The following CAMKMT variants were observed in gnomAD, a reference collection of about 807,000 sequenced individuals.
CAMKMT encodes calmodulin-lysine N-methyltransferase, also known as CaM KMT.
Under a neutral mutation model 48.0 loss-of-function variants are expected in CAMKMT, and 53 were observed. The observed-to-expected ratio is 1.10, with a 90% CI of 0.89 to 1.39. The LOEUF (loss-of-function observed/expected upper bound fraction) is 1.39. CAMKMT is among the 40% of genes most tolerant of loss of function. The pLI is 0.00. For missense variants in CAMKMT, 428 were observed against 402.7 expected (o/e 1.06, Z -0.54); for synonymous variants, 165 against 152.3 (o/e 1.08, Z -0.61).
At chr2:44,545,025 G>C (rs1318765855) in intron 3 of CAMKMT, among the ~76,000 whole-genome samples, 1 of 152,156 alleles carries the variant, frequency 6.6e-6, no homozygotes, top group Non-Finnish European at 1.5e-5. Context: ...GGTCCAAACA[G>C]CAAATTTTCC....
intron 3 of CAMKMT, among the ~76,000 whole-genome samples, chr2:44,561,582 T>G (rs1312948432): frequency 6.6e-6 from 1 of 152,192 alleles, no homozygotes; most frequent in East Asian, 1.9e-4. Context: ...AATATTCCCA[T>G]TTACTCTCAA....
rs1025086746 is a variant in CAMKMT, at chr2:44,653,668, A to C, written c.377-50615A>C. On this transcript the variant is annotated intron_variant, in intron 3 of 10. Coordinates refer to ENST00000378494, the MANE Select transcript of CAMKMT (RefSeq NM_024766.5). The surrounding 1 kb of genome is among the most constrained non-coding windows in gnomAD (Gnocchi z 5.2). ...AGGAGGAGGAGTCTACATTAGTGAC[A>C]GGTGACCAACCAAGATTAATGAAAA... Among the ~76,000 whole-genome samples the C allele has an allele frequency of 6.6e-6, 1 of 152,212 alleles. No individual in the cohort carries two copies. The highest frequency in any genetic ancestry group is 2.1e-4 in the South Asian group (1 of 4,826).
chr2:44,548,931 A>G (rs778888413), intron 3 of CAMKMT, among the ~76,000 whole-genome samples: 2 of 152,198 alleles, frequency 1.3e-5, no homozygotes, highest in Non-Finnish European at 2.9e-5. Flanking sequence ...CAACCATGCC[A>G]TACCAGACTT....
intron 7 of CAMKMT, among the ~76,000 whole-genome samples, chr2:44,729,598 A>C (rs1678971737): frequency 6.6e-6 from 1 of 152,198 alleles, no homozygotes; most frequent in South Asian, 2.1e-4. Flanking sequence ...TCATCAGGGC[A>C]GGTGAAGCAA....
At chr2:44,482,069 A>C (rs549571354) in intron 3 of CAMKMT, among the ~76,000 whole-genome samples, 2 of 152,236 alleles carry the variant, frequency 1.3e-5, no homozygotes, top group East Asian at 3.9e-4. Flanking sequence ...AAAGGATAGA[A>C]TATAATTAAC....
chr2:44,717,381 A>G (rs994872566), intron 7 of CAMKMT, among the ~76,000 whole-genome samples: 1 of 152,126 alleles, frequency 6.6e-6, no homozygotes, highest in Non-Finnish European at 1.5e-5. Context: ...CCTTGATCTT[A>G]TATTAAGGAG....
intron 3 of CAMKMT, among the ~76,000 whole-genome samples, chr2:44,663,179 C>G (rs1294922869): frequency 6.6e-6 from 1 of 152,196 alleles, no homozygotes; most frequent in Non-Finnish European, 1.5e-5. Context: ...ACTCAAGTCT[C>G]ACCAATTATC....
At chr2:44,388,618 C>G (rs938195669) in intron 2 of CAMKMT, among the ~76,000 whole-genome samples, 1 of 152,096 alleles carries the variant, frequency 6.6e-6, no homozygotes, top group Non-Finnish European at 1.5e-5. Flanking sequence ...TTTTCTGGTT[C>G]CTTCTCATTT....
At chr2:44,576,074 C>A (rs900624068) in intron 3 of CAMKMT, among the ~76,000 whole-genome samples, 4 of 151,982 alleles carry the variant, frequency 2.6e-5, no homozygotes, top group African/African-American at 9.7e-5. Flanking sequence ...CGCCTGCAAT[C>A]CCAGCACTTT....
intron 3 of CAMKMT, among the ~76,000 whole-genome samples, chr2:44,416,330 C>A (rs1005187773): frequency 6.6e-6 from 1 of 151,970 alleles, no homozygotes. Flanking sequence ...CAGAAATGCA[C>A]CAATTTTGAT....
At chr2:44,560,632 A>G (rs1668274515) in intron 3 of CAMKMT, among the ~76,000 whole-genome samples, 1 of 152,216 alleles carries the variant, frequency 6.6e-6, no homozygotes, top group African/African-American at 2.4e-5. Context: ...GCATGCTCTC[A>G]TTTATTAATA....
intron 3 of CAMKMT, among the ~76,000 whole-genome samples, chr2:44,577,662 GGAGAGGGAGAGGGAGACA>G (rs1331392578): frequency 1.5e-5 from 2 of 134,928 alleles, no homozygotes; most frequent in Admixed American, 8.1e-5. Flanking sequence ...GGAGAGAGAG[GGAGAGGGAGAGGGAGACA>G]GAGAGGGAGA....
intron 3 of CAMKMT, among the ~76,000 whole-genome samples, chr2:44,613,947 C>A (rs1182573619): frequency 6.6e-6 from 1 of 151,978 alleles, no homozygotes; most frequent in East Asian, 1.9e-4. Flanking sequence ...AGTGATAAGA[C>A]AAATATTAAT....
intron 3 of CAMKMT, among the ~76,000 whole-genome samples, chr2:44,613,685 A>G (rs1671718057): frequency 6.6e-6 from 1 of 152,218 alleles, no homozygotes; most frequent in Admixed American, 6.5e-5. Context: ...AGTACTTCTC[A>G]TATATCATCT....
Position 44,455,709 on chromosome 2 carries a change from A to C in CAMKMT, c.376+65404A>C, listed in dbSNP as rs995280818. Reference sequence around the variant, plus strand: ...GCCATTGTTTCTTTATTTGCAACAAAAATCACAACTCCCAGGGTTAGTATA... The same window carrying C: ...GCCATTGTTTCTTTATTTGCAACAACAATCACAACTCCCAGGGTTAGTATA... On this transcript the variant is annotated intron_variant, in intron 3 of 10. Coordinates refer to ENST00000378494, the MANE Select transcript of CAMKMT (RefSeq NM_024766.5). 8.5e-5 allele frequency among the ~76,000 whole-genome samples: 13 copies of C among 152,194 alleles called. 1 individual carries two copies. Among genetic ancestry groups the C allele is most frequent in the Admixed American group, 8.5e-4 (13 of 15,268 alleles).
intron 3 of CAMKMT, among the ~76,000 whole-genome samples, chr2:44,561,390 CTTCT>C (rs1398614978): frequency 6.6e-6 from 1 of 151,964 alleles, no homozygotes; most frequent in Non-Finnish European, 1.5e-5. Context: ...TTTTTCTTTC[CTTCT>C]TTGTGTTTGA....
chr2:44,494,714 A>G (rs958474563), intron 3 of CAMKMT, among the ~76,000 whole-genome samples: 2 of 152,220 alleles, frequency 1.3e-5, no homozygotes, highest in Admixed American at 6.5e-5. Context: ...AAACCTACCA[A>G]TTAGTATAGG....
At chr2:44,697,562 C>G (rs1179877035) in intron 3 of CAMKMT, among the ~76,000 whole-genome samples, 1 of 152,066 alleles carries the variant, frequency 6.6e-6, no homozygotes, top group Non-Finnish European at 1.5e-5. Flanking sequence ...CCTTTATAAA[C>G]TCCAGAGAAA....
chr2:44,597,703 TA>T (rs1050793873), intron 3 of CAMKMT, among the ~76,000 whole-genome samples: 1 of 152,178 alleles, frequency 6.6e-6, no homozygotes, highest in African/African-American at 2.4e-5. Flanking sequence ...TGTGGTATAG[TA>T]ACATATATGC....
Sources: allele counts gnomAD v4.1 joint callset (sites outside exome capture counted in the v4.1 genomes callset), GRCh38; gene constraint gnomAD v4.1.1; non-coding constraint Gnocchi (gnomAD v3.1); transcripts MANE v1.5; gene names NCBI Gene and HGNC (gene_info 2026-07-23, HGNC 2026-07-21).